The following FCHSD1 variants were observed in gnomAD, a reference collection of about 807,000 sequenced individuals.
The protein encoded by FCHSD1 is F-BAR and double SH3 domains protein 1.
In FCHSD1, 109 loss-of-function variants were observed where a neutral mutation model predicts 101.3. The ratio of observed to expected loss-of-function variants is 1.08; its 90% confidence interval spans 0.92 to 1.26. The LOEUF is 1.26. Ranked by LOEUF, FCHSD1 falls within the 50% of genes most tolerant of loss-of-function variation. The probability of loss-of-function intolerance (pLI) is 0.00; values close to 1 mark genes in which losing one functional copy is unlikely to be tolerated. For synonymous variants in FCHSD1, 291 were observed against 356.8 expected (o/e 0.82, Z 2.08); for missense variants, 820 against 895.8 (o/e 0.92, Z 1.08).
At position 141,651,376 on chromosome 5, in the gene FCHSD1, C is replaced by G; in HGVS notation, c.-8G>C. The G allele has an allele frequency of 6.4e-7, 1 of 1,552,746 alleles. No homozygotes were observed. The highest frequency in any genetic ancestry group is 8.7e-7 in the Non-Finnish European group (1 of 1,147,752). ...TCGGGGCGGCGGCTGCATCTCCGCT[C>G]CAGCAAGGCGGTCAGCCACTGGACT... is the stretch of plus-strand genomic sequence containing the variant. On this transcript the variant is annotated 5_prime_UTR_variant, in exon 1 of 20. Transcript: ENST00000435817.
Position 141,651,373 on chromosome 5 carries a change from G to T in FCHSD1, c.-5C>A. 1 of 1,552,796 alleles carries T rather than the reference G, an allele frequency of 6.4e-7. No individual in the cohort carries two copies. Among genetic ancestry groups the T allele is most frequent in the Non-Finnish European group, 8.7e-7 (1 of 1,147,798 alleles). ...TTTTCGGGGCGGCGGCTGCATCTCCGCTCCAGCAAGGCGGTCAGCCACTGG... is the reference window on the plus strand; with the variant it reads ...TTTTCGGGGCGGCGGCTGCATCTCCTCTCCAGCAAGGCGGTCAGCCACTGG... On this transcript the variant is annotated 5_prime_UTR_variant, in exon 1 of 20. Coordinates refer to ENST00000435817, the MANE Select transcript of FCHSD1 (RefSeq NM_033449.3).
rs1414712084 is a variant in FCHSD1, at chr5:141,643,016, G to C, written c.1936C>G (p.Pro646Ala). The change falls in exon 18 of 20, where the codon CCT becomes GCT. Residue 646 changes from proline to alanine, a missense_variant. Pro to Ala is a conservative substitution (Grantham distance 27). Transcript: ENST00000435817. Reference protein sequence around the residue: ...PTSVLDGPPAPVLPGDKALDF... With the variant: ...PTSVLDGPPAAVLPGDKALDF... ...TTCCACTCACCCCCAGGCAGGACAG[G>C]TGCAGGGGGCCCATCCAACACAGAG... 6.4e-7 allele frequency: 1 copy of C among 1,565,134 alleles called. No individual in the cohort carries two copies. The highest frequency in any genetic ancestry group is 1.9e-5 in the Admixed American group (1 of 52,976).
rs1435572394 is a variant in FCHSD1, at chr5:141,639,386, A to G, written c.*2112T>C. 5 of 1,251,478 alleles carry G rather than the reference A, an allele frequency of 4.0e-6. No homozygotes were observed. The highest frequency in any genetic ancestry group is 5.6e-6 in the Non-Finnish European group (5 of 895,324). 77.5% of individuals were successfully genotyped at this position (1,251,478 alleles called of 1,614,324 possible). A position where few individuals can be genotyped will look rare whatever the true frequency, so the allele number is the denominator to read the frequency against. ...TGGGGCTTCTGGGGTTTTAAGGAGCATGCTGAAAGAACGTAAGAAACAAAA... is the reference window on the plus strand; with the variant it reads ...TGGGGCTTCTGGGGTTTTAAGGAGCGTGCTGAAAGAACGTAAGAAACAAAA... On this transcript the variant is annotated 3_prime_UTR_variant, in exon 20 of 20. Transcript: ENST00000435817. The surrounding 1 kb of genome is among the most constrained non-coding windows in gnomAD (Gnocchi z 4.4).
At chr5:141,647,925 TC>T in intron 8 of FCHSD1, 42 bp downstream of exon 8, 1 of 1,601,084 alleles carries the variant, frequency 6.2e-7, no homozygotes, top group Non-Finnish European at 8.5e-7. Context: ...GGTCCTCCTT[TC>T]CCTCCCTGCT....
At chr5:141,642,396 C>T (rs373122765) in intron 18 of FCHSD1, 3 of 693,858 alleles carry the variant, frequency 4.3e-6, no homozygotes, top group African/African-American at 3.5e-5. Flanking sequence ...TGAAAAATTA[C>T]CTATCAGGTA....
chr5:141,641,549 A>G lies in FCHSD1; in HGVS notation c.2022T>C (p.Pro674=). 1 of 1,522,112 alleles carries G rather than the reference A, an allele frequency of 6.6e-7. No homozygotes were observed. Among genetic ancestry groups the G allele is most frequent in the Non-Finnish European group, 8.8e-7 (1 of 1,133,200 alleles). The allele number at this position is 1,522,112 out of a possible 1,614,324, so 94.3% of individuals were successfully genotyped here. A position where few individuals can be genotyped will look rare whatever the true frequency, so the allele number is the denominator to read the frequency against. Residue 674 remains proline, a synonymous_variant, in exon 20 of 20, where the codon CCT becomes CCC. Transcript: ENST00000435817. ...APRLRPMRPP[P]PPPAKAPDPG... ...GATCCGGGGCTTTAGCCGGCGGGGG[A>G]GGTGGTGGACGCATCTGTAGGGAAC...
chr5:141,650,052 A>G, intron 3 of FCHSD1, 98 bp from the exon 4 acceptor site: 1 of 1,275,390 alleles, frequency 7.8e-7, no homozygotes, highest in Non-Finnish European at 1.1e-6. Context: ...TTCTTTGGGT[A>G]CATTATGTGC....
rs1428550123 is a variant in FCHSD1 at position 141,639,432 on chromosome 5, T to A, written c.*2066A>T. ...CAAAACATGAAGGGAAATGGAAATG[T>A]TACCCTCACTCCCCTCCTCCCTGCT... On this transcript the variant is annotated 3_prime_UTR_variant, in exon 20 of 20. Transcript: ENST00000435817. This position sits in a 1 kb window ranked among gnomAD's most constrained non-coding sequence, Gnocchi z 4.4. 1 of 1,547,094 alleles carries A rather than the reference T, an allele frequency of 6.5e-7. No individual in the cohort carries two copies. The highest frequency in any genetic ancestry group is 1.9e-5 in the Admixed American group (1 of 52,056).
chr5:141,646,499 C>A, intron 11 of FCHSD1, 104 bp downstream of exon 11: 1 of 1,469,552 alleles, frequency 6.8e-7, no homozygotes, highest in Non-Finnish European at 9.1e-7. Context: ...CTTTCCCTCC[C>A]CTCTGTAGCT....
In FCHSD1 at chr5:141,649,583, C is replaced by A. The variant is rs757804785; in HGVS notation, c.234-47G>T. The A allele has an allele frequency of 9.5e-6, 15 of 1,581,630 alleles. No homozygotes were observed. The Admixed American group carries it at 2.6e-4, about 27-fold the overall frequency. The stretch of plus-strand genomic sequence containing the variant: ...TGAGGAGGAGAGCACTCCACAGCTT[C>A]ATGAGACCACCCCCACCCCCTGCCC... On this transcript the variant is annotated intron_variant, in intron 4 of 19. Coordinates refer to ENST00000435817, the MANE Select transcript of FCHSD1 (RefSeq NM_033449.3). The surrounding 1 kb of genome is among the most constrained non-coding windows in gnomAD (Gnocchi z 4.1).
rs1468220871 is a variant in FCHSD1, at chr5:141,641,430, G to C, written c.*68C>G. On this transcript the variant is annotated 3_prime_UTR_variant, in exon 20 of 20. Coordinates refer to ENST00000435817, the MANE Select transcript of FCHSD1 (RefSeq NM_033449.3). Reference sequence around the variant, plus strand: ...TTTGGCTGTGTTGCTCTGGATCATTGATGGTGTGGTCTGACAGCTTGAAGA... The same window carrying C: ...TTTGGCTGTGTTGCTCTGGATCATTCATGGTGTGGTCTGACAGCTTGAAGA... The C allele has an allele frequency of 7.5e-7, 1 of 1,335,872 alleles. No individual in the cohort carries two copies. The highest frequency in any genetic ancestry group is 9.9e-7 in the Non-Finnish European group (1 of 1,008,248). 82.8% of individuals were successfully genotyped at this position (1,335,872 alleles called of 1,614,324 possible).
At position 141,646,076 on chromosome 5, in the gene FCHSD1, G is replaced by T; in HGVS notation, c.1149+11C>A. The T allele has an allele frequency of 6.2e-7, 1 of 1,604,542 alleles. No individual in the cohort carries two copies. The highest frequency in any genetic ancestry group is 8.5e-7 in the Non-Finnish European group (1 of 1,175,434). ...GAAGGTGGGATCTCTAACCTCAGGG[G>T]TGTGCCTCACCTGTGCCCGGCGGAT... On this transcript the variant is annotated intron_variant, in intron 12 of 19. Coordinates refer to ENST00000435817, the MANE Select transcript of FCHSD1 (RefSeq NM_033449.3).
intron 2 of FCHSD1, among the ~76,000 whole-genome samples, chr5:141,650,733 G>A (rs2154598529): frequency 6.6e-6 from 1 of 152,106 alleles, no homozygotes; most frequent in African/African-American, 2.4e-5. Flanking sequence ...AAGAGGGAGA[G>A]GGATTCTGCC....
intron 2 of FCHSD1, 81 bp from the exon 3 acceptor site, chr5:141,650,485 T>G (rs1164561644): frequency 1.0e-5 from 16 of 1,584,602 alleles, no homozygotes; most frequent in Admixed American, 1.7e-5. Context: ...TCCTCTACTC[T>G]GGGCAGGAGG....
At chr5:141,641,599 C>G in intron 19 of FCHSD1, 36 bp from the exon 20 acceptor site, 2 of 1,598,350 alleles carry the variant, frequency 1.3e-6, no homozygotes, top group African/African-American at 1.3e-5. Flanking sequence ...CCAGAGTTCT[C>G]CCTTAAGGGT....
At position 141,640,210 on chromosome 5, in the gene FCHSD1, G is replaced by A. The variant is rs750797330; in HGVS notation, c.*1288C>T. On this transcript the variant is annotated 3_prime_UTR_variant, in exon 20 of 20. Transcript: ENST00000435817. The stretch of plus-strand genomic sequence containing the variant: ...AGAGCTTCTGCAGAGCCAACACTGA[G>A]GGCCGGAGGGAGGGGCCCAAGCCCA... The A allele has an allele frequency of 1.9e-6, 3 of 1,614,068 alleles. No homozygotes were observed. In the African/African-American group the frequency reaches 4.0e-5, roughly 22 times the overall value.
In FCHSD1 at chr5:141,644,918, T is replaced by C. The variant is rs772326688; in HGVS notation, c.1465A>G (p.Ile489Val). The C allele has an allele frequency of 3.7e-6, 6 of 1,613,822 alleles. No individual in the cohort carries two copies. The highest frequency in any genetic ancestry group is 2.7e-5 in the African/African-American group (2 of 74,920). The change falls in exon 15 of 20, where the codon ATC (isoleucine) becomes GTC (valine). Residue 489 changes from isoleucine to valine, a missense_variant. Ile to Val is a conservative substitution (Grantham distance 29). Coordinates refer to ENST00000435817, the MANE Select transcript of FCHSD1 (RefSeq NM_033449.3). ...ACCTCCAGCCACTCACCCTCCGTGA[T>C]TGTCAGCTCATCCTCACGCCCTGCC... is the stretch of plus-strand genomic sequence containing the variant. ...YQAGREDELT[I>V]TEGEWLEVIE...
At position 141,644,397 on chromosome 5, in the gene FCHSD1, C is replaced by T. The variant is rs1275362368; in HGVS notation, c.1684G>A (p.Ala562Thr). 1 of 1,613,812 alleles carries T rather than the reference C, an allele frequency of 6.2e-7. No homozygotes were observed. Among genetic ancestry groups the T allele is most frequent in the African/African-American group, 1.3e-5 (1 of 74,924 alleles). ...CCCTCAGGGAAGCTCAGCTCCTCTG[C>T]ACTCTGTCCGGTGTAGCTGTACAGG... ...QALYSYTGQS[A>T]EELSFPEGAL... Residue 562 changes from alanine (A) to threonine (T), a missense_variant, in exon 17 of 20, where the codon GCA (alanine) becomes ACA (threonine). Transcript: ENST00000435817.
In FCHSD1 at chr5:141,649,820, AG is replaced by A. The variant is rs2099908138; in HGVS notation, c.233+66del. 2 of 1,505,540 alleles carry A rather than the reference AG, an allele frequency of 1.3e-6. No homozygotes were observed. Among genetic ancestry groups the A allele is most frequent in the African/African-American group, 1.4e-5 (1 of 70,884 alleles). The allele number at this position is 1,505,540 out of a possible 1,614,324, so 93.3% of individuals were successfully genotyped here. A position where few individuals can be genotyped will look rare whatever the true frequency, so the allele number is the denominator to read the frequency against. On this transcript the variant is annotated intron_variant, in intron 4 of 19. Coordinates refer to ENST00000435817, the MANE Select transcript of FCHSD1 (RefSeq NM_033449.3). This position sits in a 1 kb window ranked among gnomAD's most constrained non-coding sequence, Gnocchi z 4.1. ...CCACTTGCTAGGCCTTCATCCCCAC[AG>A]GTTCCTGGGGCTGAGCTCCCCATCA...
Sources: allele counts gnomAD v4.1 joint callset (sites outside exome capture counted in the v4.1 genomes callset), GRCh38; gene constraint gnomAD v4.1.1; non-coding constraint Gnocchi (gnomAD v3.1); transcripts MANE v1.5; gene names NCBI Gene and HGNC (gene_info 2026-07-23, HGNC 2026-07-21).